CSMD3: variants seen among roughly 807,000 people sequenced by gnomAD.
The protein encoded by CSMD3 is CUB and sushi domain-containing protein 3.
A neutral mutation model predicts 435.2 loss-of-function variants in CSMD3; 177 were observed. The observed-to-expected ratio is 0.41, with a 90% CI of 0.36 to 0.46. The LOEUF (loss-of-function observed/expected upper bound fraction) is 0.46. CSMD3 is among the 20% of genes least tolerant of loss of function. CSMD3 has a pLI of 0.34. For synonymous variants in CSMD3, 1,656 were observed against 1,520.5 expected, an observed-to-expected ratio of 1.09 and a Z score of -2.07; for missense variants, 4,265 against 4,504.6, an observed-to-expected ratio of 0.95 and a Z score of 1.52.
intron 1 of CSMD3, among the ~76,000 whole-genome samples, chr8:113,344,028 T>C (rs757058339): frequency 6.6e-6 from 1 of 152,202 alleles, no homozygotes; most frequent in African/African-American, 2.4e-5. Context: ...TTTTTAGGTA[T>C]ATAGGTATTT....
At chr8:113,296,498 C>T (rs1354765637) in intron 2 of CSMD3, among the ~76,000 whole-genome samples, 1 of 151,806 alleles carries the variant, frequency 6.6e-6, no homozygotes, top group Non-Finnish European at 1.5e-5. Context: ...CACACCAGTC[C>T]AGGCAACACA....
chr8:112,629,929 CCTTGCTGG>C (rs1453739874), intron 22 of CSMD3, among the ~76,000 whole-genome samples: 4 of 152,154 alleles, frequency 2.6e-5, no homozygotes, highest in African/African-American at 9.7e-5. Flanking sequence ...GAGAGACACC[CCTTGCTGG>C]CTTGATGAAG....
At chr8:112,280,175 A>AT (rs1818485712) in intron 59 of CSMD3, among the ~76,000 whole-genome samples, 1 of 152,166 alleles carries the variant, frequency 6.6e-6, no homozygotes, top group Admixed American at 6.6e-5. Context: ...CCAAACTGCA[A>AT]TACAAAAGGC....
chr8:113,007,665 C>T (rs559204164), intron 6 of CSMD3, among the ~76,000 whole-genome samples: 35 of 151,990 alleles, frequency 2.3e-4, no homozygotes, highest in Admixed American at 2.1e-3. Context: ...AGAACCTAAC[C>T]GAGTTTTAAT....
At position 112,382,799 on chromosome 8, in the gene CSMD3, C is replaced by T. The variant is rs114301966; in HGVS notation, c.6031+768G>A. Among the ~76,000 whole-genome samples, 613 of 152,176 alleles carry T rather than the reference C, an allele frequency of 4.0e-3. 4 individuals are homozygous for T. Among genetic ancestry groups the T allele is most frequent in the African/African-American group, 0.014 (578 of 41,514 alleles). ...GAAGTCAGAAGTTCACGACCCGCCT[C>T]GCCAACATAGCGAAACCCCATCTCT... On this transcript the variant is annotated intron_variant, in intron 37 of 70. Coordinates refer to ENST00000297405, the MANE Select transcript of CSMD3 (RefSeq NM_198123.2).
intron 32 of CSMD3, among the ~76,000 whole-genome samples, chr8:112,445,241 A>T (rs7844160): frequency 0.43 from 64,806 of 151,832 alleles, 14,809 homozygotes; most frequent in Middle Eastern, 0.6. Context: ...GAGTGTGGAG[A>T]CTCAAAAAAA....
intron 23 of CSMD3, among the ~76,000 whole-genome samples, chr8:112,578,953 T>C (rs1830142777): frequency 6.6e-6 from 1 of 152,064 alleles, no homozygotes; most frequent in East Asian, 1.9e-4. Flanking sequence ...TATACAATAT[T>C]CATGACCATA....
intron 5 of CSMD3, among the ~76,000 whole-genome samples, chr8:113,068,172 T>C (rs1218677875): frequency 6.6e-6 from 1 of 152,308 alleles, no homozygotes; most frequent in Admixed American, 6.5e-5. Flanking sequence ...ATTTTTAGTA[T>C]AATAATCTTT....
chr8:113,389,157 T>C (rs1171358927), intron 1 of CSMD3, among the ~76,000 whole-genome samples: 2 of 151,688 alleles, frequency 1.3e-5, no homozygotes, highest in Admixed American at 1.3e-4. Flanking sequence ...TAATTCCCAC[T>C]GTTAACAGCA....
chr8:113,377,833 T>G (rs938176527), intron 1 of CSMD3, among the ~76,000 whole-genome samples: 20 of 152,162 alleles, frequency 1.3e-4, no homozygotes, highest in African/African-American at 1.9e-4. Context: ...CAAAAGTTAT[T>G]TATTCAATAC....
intron 12 of CSMD3, among the ~76,000 whole-genome samples, chr8:112,825,112 T>G (rs887319746): frequency 1.3e-5 from 2 of 152,224 alleles, no homozygotes; most frequent in Admixed American, 6.5e-5. Flanking sequence ...TTGATACCTG[T>G]GTATGATTCA....
At chr8:113,402,026 C>G (rs973719189) in intron 1 of CSMD3, among the ~76,000 whole-genome samples, 1 of 151,420 alleles carries the variant, frequency 6.6e-6, no homozygotes, top group African/African-American at 2.4e-5. Context: ...TTAAATGGTG[C>G]ATGACTGTAT....
chr8:112,413,651 T>C (rs1196422890), intron 32 of CSMD3, among the ~76,000 whole-genome samples: 5 of 152,148 alleles, frequency 3.3e-5, no homozygotes, highest in African/African-American at 1.2e-4. Flanking sequence ...TGCACTAAAA[T>C]GGGTTAGTGC....
chr8:113,152,666 A>G (rs2091835515), intron 4 of CSMD3, among the ~76,000 whole-genome samples: 1 of 152,028 alleles, frequency 6.6e-6, no homozygotes. Context: ...TTTTCAAAAT[A>G]CACTTTGCCT....
intron 5 of CSMD3, among the ~76,000 whole-genome samples, chr8:113,025,130 C>T (rs1363344553): frequency 6.6e-6 from 1 of 152,006 alleles, no homozygotes; most frequent in Non-Finnish European, 1.5e-5. Flanking sequence ...TTAGTGTCTG[C>T]TACTGAAGTC....
intron 35 of CSMD3, among the ~76,000 whole-genome samples, chr8:112,405,246 T>TATATATATATATACACACAC (rs1199452249): frequency 4.8e-4 from 39 of 81,518 alleles, no homozygotes; most frequent in African/African-American, 1.9e-3. Context: ...TATATATATA[T>TATATATATATATACACACAC]ACATATATAT....
At chr8:113,205,224 C>T (rs1335421861) in intron 3 of CSMD3, among the ~76,000 whole-genome samples, 2 of 152,146 alleles carry the variant, frequency 1.3e-5, no homozygotes, top group Non-Finnish European at 2.9e-5. Flanking sequence ...CTCAGGTGAT[C>T]CACGTGCCTG....
intron 1 of CSMD3, among the ~76,000 whole-genome samples, chr8:113,324,730 A>G (rs2093972116): frequency 6.6e-6 from 1 of 152,162 alleles, no homozygotes; most frequent in African/African-American, 2.4e-5. Context: ...CATCCTCCAG[A>G]CCACAGAATG....
At chr8:112,306,260 C>A (rs9792374) in intron 50 of CSMD3, 68 bp from the exon 51 acceptor site, 1 of 1,182,034 alleles carries the variant, frequency 8.5e-7, no homozygotes, top group Non-Finnish European at 1.2e-6. Context: ...GGTAACTCTG[C>A]TGAACTGTAA....
Sources: allele counts gnomAD v4.1 joint callset (sites outside exome capture counted in the v4.1 genomes callset), GRCh38; gene constraint gnomAD v4.1.1; transcripts MANE v1.5; gene names NCBI Gene and HGNC (gene_info 2026-07-23, HGNC 2026-07-21).